The following EBF4 variants were observed in gnomAD, a reference collection of about 807,000 sequenced individuals.
EBF4 encodes the protein transcription factor COE4.
EBF4 carries 34 observed loss-of-function variants against 67.1 expected under a neutral mutation model. That is an observed-to-expected ratio of 0.51 (90% CI 0.39 to 0.67). EBF4 has a LOEUF of 0.67. Among genes scored for constraint, EBF4 ranks in the 30% least tolerant of loss-of-function variants. EBF4 has a pLI of 0.00. For missense variants in EBF4, 837 were observed against 873.3 expected, an observed-to-expected ratio of 0.96 and a Z score of 0.52; for synonymous variants, 387 against 377.7, an observed-to-expected ratio of 1.02 and a Z score of -0.29.
chr20:2,752,089 C>A, exon 13 of EBF4: 1 of 1,456,292 alleles, frequency 6.9e-7, no homozygotes. Context: ...TTCGCAGGAG[C>A]TGCTCCTGAA....
chr20:2,732,165 C>A (rs1313857323), intron 6 of EBF4, among the ~76,000 whole-genome samples: 1 of 151,790 alleles, frequency 6.6e-6, no homozygotes, highest in African/African-American at 2.4e-5. Flanking sequence ...TGCAGTGATG[C>A]AGTCTCAACT....
At chr20:2,701,868 G>A (rs2087380414) in intron 1 of EBF4, among the ~76,000 whole-genome samples, 2 of 152,228 alleles carry the variant, frequency 1.3e-5, no homozygotes, top group Admixed American at 1.3e-4. Context: ...TGGAGTTCAA[G>A]TTAAGCTGGT....
At position 2,739,334 on chromosome 20, in the gene EBF4, C is replaced by T. The variant is rs894208075; in HGVS notation, c.558-9215C>T. On this transcript the variant is annotated intron_variant, in intron 6 of 16. Coordinates refer to ENST00000609451, the Ensembl canonical transcript of EBF4. The surrounding 1 kb of genome is among the most constrained non-coding windows in gnomAD (Gnocchi z 4.5). ...TCTGCCCCGTGGTGGAGCTGTTAGT[C>T]CCTTTGCATGGAGGGCCCTGCCTCC... Among the ~76,000 whole-genome samples, 1 of 151,962 alleles carries T rather than the reference C, an allele frequency of 6.6e-6. No homozygotes were observed. Among genetic ancestry groups the T allele is most frequent in the South Asian group, 2.1e-4 (1 of 4,788 alleles).
intron 6 of EBF4, among the ~76,000 whole-genome samples, chr20:2,712,512 A>G (rs1259115541): frequency 6.6e-6 from 1 of 152,154 alleles, no homozygotes; most frequent in Admixed American, 6.5e-5. Flanking sequence ...CAGGTTTTGG[A>G]GGAGAAAGAT....
rs751348568 is a variant in EBF4 at position 2,755,768 on chromosome 20, G to A, written c.1682G>A (p.Arg561His). 3.4e-5 allele frequency: 53 copies of A among 1,549,986 alleles called. No homozygotes were observed. Among genetic ancestry groups the A allele is most frequent in the Middle Eastern group, 1.7e-4 (1 of 6,014 alleles). The change falls in exon 15 of 17, where the codon CGC becomes CAC. Residue 561 changes from arginine (R) to histidine (H), a missense_variant. By Grantham distance (29) the Arg-to-His change is conservative (BLOSUM62 0). This residue lies in a region of EBF4 where 525 missense variants were observed against 496.5 expected (regional missense o/e 1.06). Coordinates refer to ENST00000609451, the Ensembl canonical transcript of EBF4. The surrounding 1 kb of genome is among the most constrained non-coding windows in gnomAD (Gnocchi z 4.7). ...AGGAGCGCCTTCGCCCCCGTGCTGCGCCCCCCAAGCTCCCCACCCCAGGCC... is the reference window on the plus strand; with the variant it reads ...AGGAGCGCCTTCGCCCCCGTGCTGCACCCCCCAAGCTCCCCACCCCAGGCC...
Position 2,751,573 on chromosome 20 carries a change from G to C in EBF4, c.1019-127G>C. 1 of 920,008 alleles carries C rather than the reference G, an allele frequency of 1.1e-6. No homozygotes were observed. Among genetic ancestry groups the C allele is most frequent in the Non-Finnish European group, 1.7e-6 (1 of 599,314 alleles). 57.0% of individuals were successfully genotyped at this position (920,008 alleles called of 1,614,324 possible). A position where few individuals can be genotyped will look rare whatever the true frequency, so the allele number is the denominator to read the frequency against. ...GAGTTTTCCGGGGGACTTGGGCTGG[G>C]CCTGGTGGAGGGGGCTGCAGCGAGG... On this transcript the variant is annotated intron_variant, in intron 10 of 16. Coordinates refer to ENST00000609451, the Ensembl canonical transcript of EBF4. This position sits in a 1 kb window ranked among gnomAD's most constrained non-coding sequence, Gnocchi z 5.2.
At chr20:2,718,487 A>G (rs1440088234) in intron 6 of EBF4, among the ~76,000 whole-genome samples, 2 of 152,178 alleles carry the variant, frequency 1.3e-5, no homozygotes, top group East Asian at 3.8e-4. Context: ...AAGGTTATTC[A>G]TTTCTTTCTG....
intron 1 of EBF4, among the ~76,000 whole-genome samples, chr20:2,695,305 A>T (rs1253417622): frequency 6.6e-6 from 1 of 152,074 alleles, no homozygotes; most frequent in East Asian, 1.9e-4. Flanking sequence ...GGCAGGTCTG[A>T]TGAAGGGGAA....
At chr20:2,699,109 C>T (rs1027836594) in intron 1 of EBF4, among the ~76,000 whole-genome samples, 6 of 152,122 alleles carry the variant, frequency 3.9e-5, no homozygotes, top group African/African-American at 1.4e-4. Flanking sequence ...CGAAAAGGGC[C>T]CTGGAGTGTC....
At chr20:2,708,779 G>A (rs2087496256) in intron 5 of EBF4, among the ~76,000 whole-genome samples, 1 of 152,176 alleles carries the variant, frequency 6.6e-6, no homozygotes, top group Admixed American at 6.5e-5. Flanking sequence ...GGTTGGAACT[G>A]TGGCTACCCT....
intron 6 of EBF4, among the ~76,000 whole-genome samples, chr20:2,738,312 A>C (rs2087918774): frequency 6.6e-6 from 1 of 151,966 alleles, no homozygotes; most frequent in African/African-American, 2.4e-5. Flanking sequence ...CTTCTCCTTT[A>C]AATCTCTTTC....
chr20:2,759,234 C>G, intron 16 of EBF4, 34 bp from the exon 17 acceptor site: 1 of 552,554 alleles, frequency 1.8e-6, no homozygotes, highest in Admixed American at 3.1e-5. Context: ...GCCTTCCTCC[C>G]CGACCTTCTT....
At position 2,749,843 on chromosome 20, in the gene EBF4, G is replaced by A. The variant is rs2146498781; in HGVS notation, c.892-4G>A. ...ACCTGCAGGCCTCCCCTCTCCCCTC[G>A]CAGCTCATCACGCCCCACGCCATCC... On this transcript the variant is annotated splice_region_variant and splice_polypyrimidine_tract_variant and intron_variant, in intron 9 of 16. Transcript: ENST00000609451. The A allele has an allele frequency of 6.5e-7, 1 of 1,548,380 alleles. No individual in the cohort carries two copies. The highest frequency in any genetic ancestry group is 8.7e-7 in the Non-Finnish European group (1 of 1,145,274).
chr20:2,710,509 G>T (rs2087527982), intron 6 of EBF4, among the ~76,000 whole-genome samples: 1 of 151,518 alleles, frequency 6.6e-6, no homozygotes. Context: ...GTACAAAACA[G>T]TAAATAATGA....
intron 6 of EBF4, among the ~76,000 whole-genome samples, chr20:2,712,158 G>T (rs906997496): frequency 1.9e-4 from 29 of 152,186 alleles, no homozygotes; most frequent in Non-Finnish European, 3.4e-4. Flanking sequence ...GGCAGGACAT[G>T]GAAGCCATTG....
intron 6 of EBF4, among the ~76,000 whole-genome samples, 193 bp downstream of exon 6, chr20:2,709,835 C>T (rs997373862): frequency 6.6e-6 from 1 of 151,942 alleles, no homozygotes; most frequent in South Asian, 2.1e-4. Context: ...GAGTGAGGCC[C>T]CAGGTGGCCA....
chr20:2,698,790 A>G (rs2087333730), intron 1 of EBF4, among the ~76,000 whole-genome samples: 1 of 152,204 alleles, frequency 6.6e-6, no homozygotes, highest in East Asian at 1.9e-4. Flanking sequence ...AGACTCAAAG[A>G]CAAATTAGGA....
At chr20:2,737,696 C>T (rs1366260200) in intron 6 of EBF4, among the ~76,000 whole-genome samples, 1 of 151,844 alleles carries the variant, frequency 6.6e-6, no homozygotes, top group Non-Finnish European at 1.5e-5. Context: ...TCAGGCCGGG[C>T]GCAGTGGCTC....
At chr20:2,725,997 C>T (rs2087742252) in intron 6 of EBF4, among the ~76,000 whole-genome samples, 1 of 152,060 alleles carries the variant, frequency 6.6e-6, no homozygotes, top group Non-Finnish European at 1.5e-5. Flanking sequence ...ATGTAGTCTG[C>T]TATTATCCTA....
Sources: gnomAD v4.1 joint callset for allele counts (sites outside exome capture counted in the v4.1 genomes callset) on GRCh38, gnomAD v4.1.1 for gene constraint, gnomAD v4.1.1 regional missense constraint, Gnocchi (gnomAD v3.1) non-coding constraint, MANE v1.5 for transcripts, NCBI Gene and HGNC (gene_info 2026-07-23, HGNC 2026-07-21) for gene names.